The following AHNAK variants were observed in gnomAD, a reference collection of about 807,000 sequenced individuals.
AHNAK encodes neuroblast differentiation-associated protein AHNAK.
A neutral mutation model predicts 37.8 loss-of-function variants in AHNAK; 23 were observed. The ratio of observed to expected loss-of-function variants is 0.61; its 90% confidence interval spans 0.44 to 0.86. The LOEUF (loss-of-function observed/expected upper bound fraction) is 0.86, where lower values mean the gene tolerates loss of function less well. Ranked by LOEUF, AHNAK falls within the 40% of genes least tolerant of loss-of-function variation. AHNAK has a pLI of 0.00. For missense variants in AHNAK, 7,411 were observed against 7,319.4 expected (o/e 1.01, Z -0.46); for synonymous variants, 2,481 against 2,636.3 (o/e 0.94, Z 1.80).
chr11:62,437,810 T>C (rs1324700782), intron 5 of AHNAK, among the ~76,000 whole-genome samples: 1 of 152,244 alleles, frequency 6.6e-6, no homozygotes, highest in Non-Finnish European at 1.5e-5. Flanking sequence ...AGTTGTTCCA[T>C]ATTCTCAGCA....
intron 5 of AHNAK, among the ~76,000 whole-genome samples, chr11:62,457,789 G>T (rs149508165): frequency 8.3e-4 from 126 of 152,318 alleles, no homozygotes; most frequent in Non-Finnish European, 1.5e-3. Context: ...GAGAGAGGAG[G>T]GAGGAATGGG....
intron 5 of AHNAK, among the ~76,000 whole-genome samples, chr11:62,448,018 G>T (rs7926474): frequency 0.13 from 19,607 of 152,078 alleles, 1,603 homozygotes; most frequent in Middle Eastern, 0.2. Flanking sequence ...GGGACATTTA[G>T]CTTGAAGTTT....
At chr11:62,496,729 C>A (rs1486308938) in intron 4 of AHNAK, among the ~76,000 whole-genome samples, 1 of 151,602 alleles carries the variant, frequency 6.6e-6, no homozygotes, top group African/African-American at 2.4e-5. Flanking sequence ...CGGGAGGCGG[C>A]AGTTGCAGTG....
chr11:62,437,313 T>C (rs1162013661), intron 5 of AHNAK, among the ~76,000 whole-genome samples: 1 of 152,224 alleles, frequency 6.6e-6, no homozygotes, highest in Non-Finnish European at 1.5e-5. Context: ...TGAACATTTT[T>C]GTACATACAT....
chr11:62,443,303 G>A (rs1156564510), intron 5 of AHNAK, among the ~76,000 whole-genome samples: 5 of 83,558 alleles, frequency 6.0e-5, no homozygotes, highest in South Asian at 4.9e-4. Flanking sequence ...ACAGAGTTTC[G>A]CTGTTATTGC....
At chr11:62,452,364 T>A (rs1225094172) in intron 5 of AHNAK, among the ~76,000 whole-genome samples, 1 of 152,152 alleles carries the variant, frequency 6.6e-6, no homozygotes, top group East Asian at 1.9e-4. Flanking sequence ...GCCGTCCCGC[T>A]CTGGAACTCG....
rs1312443671 is a variant in AHNAK, at chr11:62,531,714, C to T, written c.2703G>A (p.Leu901=). The T allele has an allele frequency of 2.5e-6, 4 of 1,614,226 alleles. No homozygotes were observed. Among genetic ancestry groups the T allele is most frequent in the East Asian group, 2.2e-5 (1 of 44,880 alleles). ...KAEGPEVDVN[L]PKADVDISGP... The stretch of plus-strand genomic sequence containing the variant: ...CTGAGATGTCCACATCAGCCTTGGG[C>T]AGGTTCACATCCACTTCTGGGCCCT... Residue 901 remains leucine, a synonymous_variant, in exon 5 of 5, where the codon CTG becomes CTA. Coordinates refer to ENST00000378024, the MANE Select transcript of AHNAK (RefSeq NM_001620.3).
chr11:62,496,799 A>T lies in AHNAK; in HGVS notation c.343-4968T>A, dbSNP rs118139681. Among the ~76,000 whole-genome samples the T allele has an allele frequency of 6.5e-3, 973 of 150,616 alleles. 10 individuals carry two copies. The highest frequency in any genetic ancestry group is 0.035 in the Middle Eastern group (10 of 282). Reference sequence around the variant, plus strand: ...AGCAGAGGGAGGGAGACTCCATCTCAAGAAAGAAAGAAAGAAAGAAAAAGA... The same window carrying T: ...AGCAGAGGGAGGGAGACTCCATCTCTAGAAAGAAAGAAAGAAAGAAAAAGA... On this transcript the variant is annotated intron_variant, in intron 4 of 5. Coordinates refer to the AHNAK transcript ENST00000257247.
intron 4 of AHNAK, among the ~76,000 whole-genome samples, chr11:62,504,547 G>A (rs956254840): frequency 6.6e-6 from 1 of 152,054 alleles, no homozygotes; most frequent in Non-Finnish European, 1.5e-5. Context: ...CGTTATTCTT[G>A]CCTGCCTGCT....
At chr11:62,473,693 A>C (rs1939086864) in intron 5 of AHNAK, among the ~76,000 whole-genome samples, 1 of 151,994 alleles carries the variant, frequency 6.6e-6, no homozygotes, top group African/African-American at 2.4e-5. Context: ...TCAAAAAAAA[A>C]AAAGCTGTAT....
chr11:62,535,446 C>T (rs1283407102), intron 3 of AHNAK, among the ~76,000 whole-genome samples: 4 of 151,944 alleles, frequency 2.6e-5, no homozygotes, highest in Non-Finnish European at 4.4e-5. Context: ...GTCAGGAGTT[C>T]GAGACCAGCC....
chr11:62,468,395 A>C (rs1013444408), intron 5 of AHNAK, among the ~76,000 whole-genome samples: 1 of 151,662 alleles, frequency 6.6e-6, no homozygotes, highest in African/African-American at 2.4e-5. Flanking sequence ...TGGGGATTTT[A>C]TTCACAGAGA....
chr11:62,485,701 C>CAAAAAAAAA (rs1286819688), intron 5 of AHNAK, among the ~76,000 whole-genome samples: 2 of 51,934 alleles, frequency 3.9e-5, no homozygotes, highest in African/African-American at 5.8e-5. Flanking sequence ...GACTCCATCT[C>CAAAAAAAAA]AAAAAAAAAA....
At chr11:62,433,742 G>C (rs1343146825) in exon 6 of AHNAK, 1 of 1,207,306 alleles carries the variant, frequency 8.3e-7, no homozygotes, top group Non-Finnish European at 1.2e-6. Context: ...CCGAAAAGCC[G>C]CCTCGCGGAA....
At chr11:62,481,456 C>T (rs1939271543) in intron 5 of AHNAK, among the ~76,000 whole-genome samples, 1 of 152,006 alleles carries the variant, frequency 6.6e-6, no homozygotes, top group African/African-American at 2.4e-5. Flanking sequence ...TGTCTGGACC[C>T]TCAGGGTCTC....
At position 62,528,492 on chromosome 11, in the gene AHNAK, G is replaced by T. The variant is rs1271035020; in HGVS notation, c.5925C>A (p.Pro1975=). ...AGTGCATCTCAGGCATCTTAAACTT[G>T]GGCCCTTTCAACTTTGCATCAGGAC... ...LECPDAKLKG[P]KFKMPEMHFK... The change falls in exon 5 of 5, where the codon CCC becomes CCA. Residue 1975 remains proline (P), a synonymous_variant. Transcript: ENST00000378024. The T allele has an allele frequency of 6.2e-7, 1 of 1,604,656 alleles. No individual in the cohort carries two copies. The highest frequency in any genetic ancestry group is 8.5e-7 in the Non-Finnish European group (1 of 1,177,512).
chr11:62,521,440 ATGC>A lies in AHNAK; in HGVS notation c.12974_12976del (p.Ser4325del), dbSNP rs1940237289. 1 of 1,613,654 alleles carries A rather than the reference ATGC, an allele frequency of 6.2e-7. No homozygotes were observed. Among genetic ancestry groups the A allele is most frequent in the South Asian group, 1.1e-5 (1 of 91,064 alleles). The stretch of plus-strand genomic sequence containing the variant: ...TGGGCCCTCTCCTTTGAATCCTGGC[ATGC>A]TGAATTTGGGCATTTTCACCTTGGG... On this transcript the variant is annotated inframe_deletion, in exon 5 of 5. Transcript: ENST00000378024.
rs1479645225 is a variant in AHNAK, at chr11:62,516,363, T to C, written c.*381A>G. On this transcript the variant is annotated 3_prime_UTR_variant, in exon 5 of 5. Transcript: ENST00000378024. ...CCCTTACTAACAAAAGCCCCCAAAG[T>C]CATTACAATGAAAAAGTGGGTTTCC... 5 of 1,272,172 alleles carry C rather than the reference T, an allele frequency of 3.9e-6. No individual in the cohort carries two copies. Among genetic ancestry groups the C allele is most frequent in the Non-Finnish European group, 5.1e-6 (5 of 978,870 alleles). The allele number at this position is 1,272,172 out of a possible 1,614,324, so 78.8% of individuals were successfully genotyped here.
rs777345794 is a variant in AHNAK at position 62,531,974 on chromosome 11, C to A, written c.2443G>T (p.Val815Phe). 9.9e-6 allele frequency: 16 copies of A among 1,613,094 alleles called. No individual in the cohort carries two copies. The highest frequency in any genetic ancestry group is 1.0e-5 in the Non-Finnish European group (12 of 1,179,736). The change falls in exon 5 of 5, where the codon GTC becomes TTC. Residue 815 changes from valine to phenylalanine, a missense_variant. By Grantham distance (50) the Val-to-Phe change is conservative. Coordinates refer to ENST00000378024, the MANE Select transcript of AHNAK (RefSeq NM_001620.3). Reference protein sequence around the residue: ...KFKMPEMNIKVPKISMPDVDL... With the variant: ...KFKMPEMNIKFPKISMPDVDL... ...ACATCAGGCATGGAGATCTTGGGGA[C>A]TTTGATGTTCATCTCAGGCATCTTA...
Sources: gnomAD v4.1 joint callset for allele counts (sites outside exome capture counted in the v4.1 genomes callset) on GRCh38, gnomAD v4.1.1 for gene constraint, MANE v1.5 for transcripts, NCBI Gene and HGNC (gene_info 2026-07-23, HGNC 2026-07-21) for gene names.